The following KIF6 variants were observed in gnomAD, a reference collection of about 807,000 sequenced individuals.
The protein encoded by KIF6 is kinesin family member 6.
Under a neutral mutation model 112.7 loss-of-function variants are expected in KIF6, and 106 were observed. The observed-to-expected ratio is 0.94, with a 90% CI of 0.80 to 1.11. The LOEUF (loss-of-function observed/expected upper bound fraction) is 1.11, where lower values mean the gene tolerates loss of function less well. Ranked by LOEUF, KIF6 falls within the 50% of genes least tolerant of loss-of-function variation. The pLI, the probability that KIF6 is intolerant of heterozygous loss-of-function variation, is 0.00. For missense variants in KIF6, 929 were observed against 964.0 expected, an observed-to-expected ratio of 0.96 and a Z score of 0.48; for synonymous variants, 339 against 339.9, an observed-to-expected ratio of 1.00 and a Z score of 0.03.
At chr6:39,659,423 G>T (rs1785996925) in intron 3 of KIF6, among the ~76,000 whole-genome samples, 1 of 152,118 alleles carries the variant, frequency 6.6e-6, no homozygotes, top group Admixed American at 6.6e-5. Context: ...CCACAGAACT[G>T]GTCAGTAAGC....
intron 15 of KIF6, among the ~76,000 whole-genome samples, chr6:39,400,923 T>G (rs1768651307): frequency 6.6e-6 from 1 of 152,216 alleles, no homozygotes; most frequent in African/African-American, 2.4e-5. Context: ...AGGAATCTGT[T>G]TTCTAAGGAT....
chr6:39,479,980 A>G (rs1192038973), intron 13 of KIF6, among the ~76,000 whole-genome samples: 1 of 152,160 alleles, frequency 6.6e-6, no homozygotes, highest in East Asian at 1.9e-4. Context: ...TAGGTATACA[A>G]TCATATCATC....
intron 3 of KIF6, among the ~76,000 whole-genome samples, chr6:39,710,851 C>T (rs1433784611): frequency 6.6e-6 from 1 of 151,824 alleles, no homozygotes; most frequent in Non-Finnish European, 1.5e-5. Context: ...GTCTGAGACC[C>T]CATCTCTATA....
At chr6:39,716,345 T>C (rs1443899957) in intron 2 of KIF6, among the ~76,000 whole-genome samples, 1 of 152,004 alleles carries the variant, frequency 6.6e-6, no homozygotes, top group Non-Finnish European at 1.5e-5. Flanking sequence ...CTATTTAAAA[T>C]AGCAGGTGGT....
At chr6:39,714,297 T>C (rs1315735163) in intron 3 of KIF6, among the ~76,000 whole-genome samples, 2 of 152,146 alleles carry the variant, frequency 1.3e-5, no homozygotes, top group Non-Finnish European at 2.9e-5. Context: ...ACCTTATCCT[T>C]TGTCCATCTA....
At chr6:39,675,649 G>A (rs1787089711) in intron 3 of KIF6, among the ~76,000 whole-genome samples, 1 of 152,040 alleles carries the variant, frequency 6.6e-6, no homozygotes, top group South Asian at 2.1e-4. Flanking sequence ...ATAACAAAGA[G>A]TGAGTGTAGA....
At chr6:39,358,602 C>A (rs545091583) in intron 18 of KIF6, among the ~76,000 whole-genome samples, 2 of 152,304 alleles carry the variant, frequency 1.3e-5, no homozygotes, top group East Asian at 3.9e-4. Flanking sequence ...GTGGTGGACT[C>A]CCTCGGGCAC....
intron 13 of KIF6, among the ~76,000 whole-genome samples, chr6:39,538,544 C>A (rs1418090520): frequency 6.6e-6 from 1 of 151,960 alleles, no homozygotes; most frequent in Admixed American, 6.6e-5. Flanking sequence ...TTAGAATGGC[C>A]ATCATTAAAA....
intron 13 of KIF6, among the ~76,000 whole-genome samples, chr6:39,472,969 C>T (rs762089970): frequency 6.6e-6 from 1 of 151,684 alleles, no homozygotes; most frequent in Non-Finnish European, 1.5e-5. Context: ...TCACCGCAAC[C>T]TCTGCCTCCC....
chr6:39,389,627 G>C (rs1471809480), intron 15 of KIF6, among the ~76,000 whole-genome samples: 7 of 152,162 alleles, frequency 4.6e-5, no homozygotes, highest in African/African-American at 1.7e-4. Flanking sequence ...TTCCTGCTGA[G>C]CCTGAGTTTG....
chr6:39,547,527 A>G (rs908856971), intron 10 of KIF6, among the ~76,000 whole-genome samples: 2 of 152,188 alleles, frequency 1.3e-5, no homozygotes, highest in African/African-American at 4.8e-5. Context: ...TTAAAAAGTG[A>G]AAACTCCTCC....
intron 5 of KIF6, among the ~76,000 whole-genome samples, chr6:39,632,909 C>T (rs148740721): frequency 9.0e-4 from 137 of 152,078 alleles, no homozygotes; most frequent in African/African-American, 3.2e-3. Context: ...CATGAGCCAC[C>T]GCGCCTGGCC....
chr6:39,502,559 A>G (rs1776194353), intron 13 of KIF6, among the ~76,000 whole-genome samples: 1 of 152,250 alleles, frequency 6.6e-6, no homozygotes, highest in Admixed American at 6.5e-5. Context: ...CAAGCAGGAT[A>G]AAAAACCTAG....
At chr6:39,519,156 T>C (rs1777237496) in intron 13 of KIF6, among the ~76,000 whole-genome samples, 1 of 152,176 alleles carries the variant, frequency 6.6e-6, no homozygotes, top group Non-Finnish European at 1.5e-5. Flanking sequence ...AGAAAATGTA[T>C]AAATAATACT....
chr6:39,426,372 T>C (rs1481910303), intron 14 of KIF6, among the ~76,000 whole-genome samples: 1 of 152,158 alleles, frequency 6.6e-6, no homozygotes, highest in African/African-American at 2.4e-5. Context: ...TTCCTCAGAC[T>C]GGAGACCAGA....
Position 39,493,093 on chromosome 6 carries a change from A to T in KIF6, c.1645+46910T>A, listed in dbSNP as rs1775565652. Among the ~76,000 whole-genome samples the T allele has an allele frequency of 2.0e-5, 3 of 152,186 alleles. No homozygotes were observed. In the South Asian group the frequency reaches 6.2e-4, roughly 32 times the overall value. On this transcript the variant is annotated intron_variant, in intron 13 of 22. Transcript: ENST00000287152. ...ATTATATGCTTGATGATAGTGAAAA[A>T]GCCTTACACCTTTCCTCCTTCTACA...
chr6:39,581,585 C>G (rs1462690484), intron 9 of KIF6, among the ~76,000 whole-genome samples: 2 of 152,058 alleles, frequency 1.3e-5, no homozygotes, highest in Non-Finnish European at 2.9e-5. Flanking sequence ...TTCAGAAAAA[C>G]TACTTTTTGT....
intron 2 of KIF6, among the ~76,000 whole-genome samples, chr6:39,715,753 A>C (rs1789814106): frequency 6.6e-6 from 1 of 152,312 alleles, no homozygotes. Context: ...AACTATACAA[A>C]GAGATAATCT....
At chr6:39,404,121 T>G (rs376038465) in intron 15 of KIF6, among the ~76,000 whole-genome samples, 97 of 152,330 alleles carry the variant, frequency 6.4e-4, no homozygotes, top group African/African-American at 2.2e-3. Context: ...AGTCTGTCAC[T>G]TGTCTTTTCA....
Sources: allele counts gnomAD v4.1 joint callset (sites outside exome capture counted in the v4.1 genomes callset), GRCh38; gene constraint gnomAD v4.1.1; transcripts MANE v1.5; gene names NCBI Gene and HGNC (gene_info 2026-07-23, HGNC 2026-07-21).